OR2T6: variants seen among roughly 807,000 people sequenced by gnomAD.
OR2T6 encodes the protein olfactory receptor family 2 subfamily T member 6.
For missense variants in OR2T6, 424 were observed against 391.6 expected, an observed-to-expected ratio of 1.08 and a Z score of -0.70; for synonymous variants, 174 against 148.0, an observed-to-expected ratio of 1.18 and a Z score of -1.27.
rs1210922974 is a variant in OR2T6, at chr1:248,387,878, G to A, written c.270G>A (p.Gly90=). The change falls in exon 3 of 3, where the codon GGG becomes GGA. Residue 90 remains glycine, a synonymous_variant. Transcript: ENST00000641644. ...KMLVDYLMGE[G]TISFIACTAQ... ...TGGTAGATTATCTCATGGGCGAGGG[G>A]ACCATCTCTTTCATCGCCTGCACTG... 1.3e-6 allele frequency: 2 copies of A among 1,596,652 alleles called. No homozygotes were observed. Among genetic ancestry groups the A allele is most frequent in the Non-Finnish European group, 8.6e-7 (1 of 1,168,808 alleles).
At chr1:248,376,123 T>A (rs914238178) in intron 1 of OR2T6, 69 bp downstream of exon 1, 3 of 152,208 alleles carry the variant, frequency 2.0e-5, no homozygotes, top group African/African-American at 7.2e-5. Flanking sequence ...TCTTAGATAA[T>A]GTGTGTGAGT....
At position 248,388,454 on chromosome 1, in the gene OR2T6, A is replaced by T. The variant is rs1431184728; in HGVS notation, c.846A>T (p.Thr282=). 6.2e-6 allele frequency: 10 copies of T among 1,611,226 alleles called. No homozygotes were observed. Among genetic ancestry groups the T allele is most frequent in the Non-Finnish European group, 8.5e-6 (10 of 1,178,516 alleles). ...KVFSAFYTIL[T]PLLNPLIYSL... Reference sequence around the variant, plus strand: ...TCTCTGCCTTTTATACCATCCTCACACCCTTATTAAACCCTCTCATCTACA... The same window carrying T: ...TCTCTGCCTTTTATACCATCCTCACTCCCTTATTAAACCCTCTCATCTACA... The change falls in exon 3 of 3, where the codon ACA becomes ACT. Residue 282 remains threonine, a synonymous_variant. Coordinates refer to ENST00000641644, the MANE Select transcript of OR2T6 (RefSeq NM_001005471.2).
At chr1:248,386,223 G>C (rs1661134270) in intron 2 of OR2T6, among the ~76,000 whole-genome samples, 1 of 152,130 alleles carries the variant, frequency 6.6e-6, no homozygotes, top group Non-Finnish European at 1.5e-5. Context: ...AACCTGATGA[G>C]GAAACTTTTA....
Position 248,388,095 on chromosome 1 carries a change from A to G in OR2T6, c.487A>G (p.Thr163Ala). The part of the protein sequence containing the change: ...ALDSFLLTPI[T>A]MSLPFCASHQ... ...GGACAGTTTTCTCCTCACCCCCATT[A>G]CCATGAGTCTCCCGTTCTGTGCCTC... Residue 163 changes from threonine (T) to alanine (A), a missense_variant, in exon 3 of 3, where the codon ACC becomes GCC. By Grantham distance (58) the Thr-to-Ala change is moderately conservative. Coordinates refer to ENST00000641644, the MANE Select transcript of OR2T6 (RefSeq NM_001005471.2). The G allele has an allele frequency of 6.2e-7, 1 of 1,613,982 alleles. No individual in the cohort carries two copies.
In OR2T6 at chr1:248,391,000, G is replaced by A. The variant is rs1661241182; in HGVS notation, c.*2465G>A. 1 of 152,240 alleles carries A rather than the reference G, an allele frequency of 6.6e-6. No homozygotes were observed. Among genetic ancestry groups the A allele is most frequent in the African/African-American group, 2.4e-5 (1 of 41,542 alleles). The allele number at this position is 152,240 out of a possible 1,614,324, so 9.4% of individuals were successfully genotyped here. ...AAAAGATGATTGACTTTTATATTCAGTTTTTACAATTTCTTTCATTTCTAT... is the reference window on the plus strand; with the variant it reads ...AAAAGATGATTGACTTTTATATTCAATTTTTACAATTTCTTTCATTTCTAT... On this transcript the variant is annotated 3_prime_UTR_variant, in exon 3 of 3. Transcript: ENST00000641644.
At chr1:248,381,719 G>A (rs184767746) in intron 1 of OR2T6, among the ~76,000 whole-genome samples, 7 of 151,910 alleles carry the variant, frequency 4.6e-5, no homozygotes, top group African/African-American at 1.4e-4. Flanking sequence ...ATGCAATAAG[G>A]CAATCATATT....
intron 2 of OR2T6, among the ~76,000 whole-genome samples, chr1:248,386,079 C>T (rs1223253528): frequency 1.3e-5 from 2 of 152,176 alleles, no homozygotes; most frequent in African/African-American, 2.4e-5. Context: ...TACTCCAAAA[C>T]GGTGTTCTGG....
chr1:248,385,412 G>T (rs1026789566), intron 2 of OR2T6, among the ~76,000 whole-genome samples: 1 of 152,162 alleles, frequency 6.6e-6, no homozygotes, highest in Non-Finnish European at 1.5e-5. Context: ...AGGCCCTGTT[G>T]TTCATGTAAT....
At chr1:248,382,835 T>G (rs983732863) in intron 1 of OR2T6, among the ~76,000 whole-genome samples, 6 of 152,198 alleles carry the variant, frequency 3.9e-5, no homozygotes, top group Non-Finnish European at 7.4e-5. Context: ...ATGTCTATCT[T>G]TCTTACCATT....
At chr1:248,379,883 A>C (rs1455223204) in intron 1 of OR2T6, among the ~76,000 whole-genome samples, 1 of 151,974 alleles carries the variant, frequency 6.6e-6, no homozygotes, top group East Asian at 1.9e-4. Context: ...TTTTTATCAT[A>C]CTTTAAGTTC....
At chr1:248,382,581 G>T in intron 1 of OR2T6, among the ~76,000 whole-genome samples, 1 of 147,456 alleles carries the variant, frequency 6.8e-6, no homozygotes, top group Non-Finnish European at 1.5e-5. Flanking sequence ...TGCCCAGGCT[G>T]GAGTTCAATG....
intron 1 of OR2T6, among the ~76,000 whole-genome samples, chr1:248,384,179 C>T (rs367640158): frequency 5.0e-5 from 3 of 59,924 alleles, no homozygotes; most frequent in Non-Finnish European, 6.6e-5. Context: ...TCATCCTATC[C>T]TGAAGTGTTT....
chr1:248,382,358 G>C (rs542296282), intron 1 of OR2T6, among the ~76,000 whole-genome samples: 28 of 152,180 alleles, frequency 1.8e-4, no homozygotes, highest in Non-Finnish European at 3.2e-4. Flanking sequence ...CACACACAGT[G>C]TATTTATTAA....
intron 1 of OR2T6, among the ~76,000 whole-genome samples, chr1:248,381,987 T>C (rs1296383762): frequency 2.6e-5 from 4 of 152,110 alleles, no homozygotes; most frequent in Admixed American, 2.6e-4. Context: ...TCTAAGAAAC[T>C]GATGTGTGTG....
In OR2T6 at chr1:248,388,592, T is replaced by C. The variant is rs567994909; in HGVS notation, c.*57T>C. ...GATGGTCTAAAACCTCCACATCCTG[T>C]TCAGGCATATATGGGGTCGTATCAT... On this transcript the variant is annotated 3_prime_UTR_variant, in exon 3 of 3. Transcript: ENST00000641644. The C allele has an allele frequency of 1.9e-5, 26 of 1,339,598 alleles. No homozygotes were observed. The East Asian group carries it at 4.4e-4, about 23-fold the overall frequency. The allele number at this position is 1,339,598 out of a possible 1,614,324, so 83.0% of individuals were successfully genotyped here. A position where few individuals can be genotyped will look rare whatever the true frequency, so the allele number is the denominator to read the frequency against.
In OR2T6 at chr1:248,388,298, G is replaced by C; in HGVS notation, c.690G>C (p.Ser230=). 2 of 1,613,792 alleles carry C rather than the reference G, an allele frequency of 1.2e-6. No individual in the cohort carries two copies. The highest frequency in any genetic ancestry group is 1.7e-4 in the Middle Eastern group (1 of 6,060). Residue 230 remains serine, a synonymous_variant, in exon 3 of 3, where the codon TCG becomes TCC. Transcript: ENST00000641644. ...RILITVHQMT[S]AEGRKKAFAT... ...TCATCACAGTGCATCAGATGACATCGGCTGAAGGGAGGAAGAAGGCCTTTG... is the reference window on the plus strand; with the variant it reads ...TCATCACAGTGCATCAGATGACATCCGCTGAAGGGAGGAAGAAGGCCTTTG...
intron 1 of OR2T6, among the ~76,000 whole-genome samples, chr1:248,383,647 C>G (rs558540586): frequency 1.5e-5 from 2 of 130,272 alleles, no homozygotes; most frequent in Admixed American, 7.5e-5. Context: ...GAAGTGTTTC[C>G]TAATGTTATT....
intron 1 of OR2T6, among the ~76,000 whole-genome samples, chr1:248,380,526 T>C (rs1661012716): frequency 6.6e-6 from 1 of 151,998 alleles, no homozygotes; most frequent in African/African-American, 2.4e-5. Flanking sequence ...TGCAGATATT[T>C]TTCTAATGTA....
chr1:248,376,948 G>A (rs955232717), intron 1 of OR2T6, among the ~76,000 whole-genome samples: 1 of 152,098 alleles, frequency 6.6e-6, no homozygotes, highest in Non-Finnish European at 1.5e-5. Context: ...TTTAAAAATG[G>A]TCAACTACCC....
Sources: allele counts gnomAD v4.1 joint callset (sites outside exome capture counted in the v4.1 genomes callset), GRCh38; gene constraint gnomAD v4.1.1; transcripts MANE v1.5; gene names NCBI Gene and HGNC (gene_info 2026-07-23, HGNC 2026-07-21).